PCDHA8: variants seen among roughly 807,000 people sequenced by gnomAD.
PCDHA8 encodes the protein protocadherin alpha 8.
PCDHA8 carries 53 observed loss-of-function variants against 61.8 expected under a neutral mutation model. The observed-to-expected ratio is 0.86, with a 90% CI of 0.69 to 1.08. The LOEUF is 1.08. Ranked by LOEUF, PCDHA8 falls within the 50% of genes least tolerant of loss-of-function variation. The probability of loss-of-function intolerance (pLI) is 0.00; values close to 1 mark genes in which losing one functional copy is unlikely to be tolerated. For synonymous variants in PCDHA8, 618 were observed against 556.6 expected (o/e 1.11, Z -1.55); for missense variants, 1,293 against 1,245.0 (o/e 1.04, Z -0.58).
chr5:140,920,841 T>TAAAAAAAA (rs781921146), intron 1 of PCDHA8, among the ~76,000 whole-genome samples: 2 of 109,228 alleles, frequency 1.8e-5, no homozygotes, highest in Non-Finnish European at 1.9e-5. Context: ...AGACCAAATC[T>TAAAAAAAA]AAAAAAAAAA....
chr5:140,877,684 A>T, intron 1 of PCDHA8: 1 of 1,613,768 alleles, frequency 6.2e-7, no homozygotes, highest in Non-Finnish European at 8.5e-7. Context: ...GGGCAAGCCC[A>T]CGCTGGTGTG....
At chr5:140,870,656 C>T (rs782506518) in intron 1 of PCDHA8, 22 of 1,612,360 alleles carry the variant, frequency 1.4e-5, no homozygotes, top group Non-Finnish European at 1.7e-6. Flanking sequence ...AAGGTGTACG[C>T]GCTGCAGCCG....
intron 1 of PCDHA8, among the ~76,000 whole-genome samples, chr5:140,969,719 T>G (rs1448594057): frequency 7.9e-5 from 12 of 152,220 alleles, no homozygotes; most frequent in Non-Finnish European, 1.5e-4. Flanking sequence ...AGGGAAATTT[T>G]TCTTTTGAAA....
chr5:140,957,746 AG>A (rs1173855054), intron 1 of PCDHA8, among the ~76,000 whole-genome samples: 1 of 152,136 alleles, frequency 6.6e-6, no homozygotes, highest in Non-Finnish European at 1.5e-5. Flanking sequence ...CTGACATGAA[AG>A]GATGTTCATT....
chr5:140,925,320 C>T (rs1201662507), intron 1 of PCDHA8, among the ~76,000 whole-genome samples: 1 of 152,016 alleles, frequency 6.6e-6, no homozygotes, highest in Non-Finnish European at 1.5e-5. Context: ...ACATATTGCA[C>T]CTGTATTAAA....
At position 140,966,546 on chromosome 5, in the gene PCDHA8, C is replaced by G. The variant is rs549303882; in HGVS notation, c.2395-12403C>G. The G allele has an allele frequency of 3.9e-5, 18 of 466,228 alleles. No individual in the cohort carries two copies. The Admixed American group carries it at 6.1e-4, about 16-fold the overall frequency. 28.9% of individuals were successfully genotyped at this position (466,228 alleles called of 1,614,324 possible). On this transcript the variant is annotated intron_variant, in intron 1 of 3. Coordinates refer to ENST00000531613, the MANE Select transcript of PCDHA8 (RefSeq NM_018911.3). ...CGAGCCGGGTTGAGCGACTCGGAGGCGAGCGGAGGAGCTGGAATATGGGGA... is the reference window on the plus strand; with the variant it reads ...CGAGCCGGGTTGAGCGACTCGGAGGGGAGCGGAGGAGCTGGAATATGGGGA...
At chr5:140,915,622 T>TTCTC (rs1418940406) in intron 1 of PCDHA8, among the ~76,000 whole-genome samples, 2 of 128,520 alleles carry the variant, frequency 1.6e-5, no homozygotes, top group South Asian at 2.5e-4. Flanking sequence ...AACAGTCTCT[T>TTCTC]TCTGTCTCTC....
intron 1 of PCDHA8, chr5:140,882,432 A>G: frequency 6.2e-7 from 1 of 1,614,052 alleles, no homozygotes; most frequent in Non-Finnish European, 8.5e-7. Context: ...CTGGGGCTGG[A>G]GCTGGCGGAG....
intron 1 of PCDHA8, among the ~76,000 whole-genome samples, chr5:140,899,260 T>A (rs2153463432): frequency 6.6e-6 from 1 of 152,272 alleles, no homozygotes; most frequent in South Asian, 2.1e-4. Context: ...GGCATCCCTG[T>A]CTTGTGGCAG....
Position 140,842,773 on chromosome 5 carries a change from G to A in PCDHA8, c.1452G>A (p.Ala484=). ...IFTVSARDAD[A]QENALVSYSL... ...CGGTGTCTGCGCGAGACGCGGACGC[G>A]CAGGAGAACGCGCTGGTGTCCTACT... The change falls in exon 1 of 4, where the codon GCG becomes GCA. Residue 484 remains alanine (A), a synonymous_variant. Transcript: ENST00000531613. The A allele has an allele frequency of 6.3e-7, 1 of 1,594,638 alleles. No individual in the cohort carries two copies. The highest frequency in any genetic ancestry group is 8.6e-7 in the Non-Finnish European group (1 of 1,165,418).
intron 3 of PCDHA8, among the ~76,000 whole-genome samples, chr5:141,000,391 CTCTCTATATA>C (rs1171335262): frequency 2.9e-3 from 162 of 56,578 alleles, no homozygotes; most frequent in African/African-American, 4.6e-3. Flanking sequence ...CTCTCTCTCT[CTCTCTATATA>C]TATATATATA....
At chr5:140,854,190 A>G (rs2043033379) in intron 1 of PCDHA8, 1 of 648,948 alleles carries the variant, frequency 1.5e-6, no homozygotes, top group Non-Finnish European at 1.9e-6. Context: ...TAGTTTAACT[A>G]CTCCCTACTT....
chr5:140,847,831 C>T (rs2150404458), intron 1 of PCDHA8: 1 of 149,692 alleles, frequency 6.7e-6, no homozygotes, highest in East Asian at 1.9e-4. Flanking sequence ...AAGAAAACTA[C>T]CTCAGTTGGT....
chr5:140,969,428 CAA>C lies in PCDHA8; in HGVS notation c.2395-9520_2395-9519del, dbSNP rs2096329692. The stretch of plus-strand genomic sequence containing the variant: ...GGCTTTATTGAGTCATTAACAGTGA[CAA>C]GAGTTATCTGGTAAACTGAGTATAT... On this transcript the variant is annotated intron_variant, in intron 1 of 3. Coordinates refer to ENST00000531613, the MANE Select transcript of PCDHA8 (RefSeq NM_018911.3). 8.4e-6 allele frequency: 13 copies of C among 1,555,028 alleles called. No homozygotes were observed. The East Asian group carries it at 1.4e-4, about 17-fold the overall frequency.
intron 3 of PCDHA8, among the ~76,000 whole-genome samples, chr5:141,005,701 CAA>C (rs59860837): frequency 3.2e-3 from 25 of 7,784 alleles, no homozygotes; most frequent in African/African-American, 6.6e-3. Flanking sequence ...AACTCCGTCT[CAA>C]AAAAAAAAAA....
rs2150330904 is a variant in PCDHA8, at chr5:140,842,175, T to A, written c.854T>A (p.Val285Asp). The A allele has an allele frequency of 1.2e-6, 2 of 1,613,894 alleles. No homozygotes were observed. Among genetic ancestry groups the A allele is most frequent in the South Asian group, 2.2e-5 (2 of 91,050 alleles). ...GAISYSFNSLVETMVIDHFSI... is the reference protein window; with the variant it reads ...GAISYSFNSLDETMVIDHFSI... ...ATTTCATATTCTTTTAATAGCCTTG[T>A]TGAAACTATGGTTATTGACCACTTT... Residue 285 changes from valine to aspartate, a missense_variant, in exon 1 of 4, where the codon GTT becomes GAT. Transcript: ENST00000531613.
At chr5:140,846,436 G>A (rs191314082) in intron 1 of PCDHA8, among the ~76,000 whole-genome samples, 18 of 131,380 alleles carry the variant, frequency 1.4e-4, no homozygotes, top group African/African-American at 3.7e-4. Flanking sequence ...ATGCAGTGGC[G>A]CAATCTCGGC....
intron 1 of PCDHA8, among the ~76,000 whole-genome samples, chr5:140,961,780 C>T (rs1192795559): frequency 6.6e-6 from 1 of 152,052 alleles, no homozygotes; most frequent in African/African-American, 2.4e-5. Flanking sequence ...AGCTTAATGG[C>T]ACTTTTTAAA....
chr5:140,893,583 T>G (rs535910), intron 1 of PCDHA8, among the ~76,000 whole-genome samples: 7,078 of 152,294 alleles, frequency 0.046, 293 homozygotes, highest in African/African-American at 0.11. Context: ...TTTGCTTGTT[T>G]GGGAAATACT....
Sources: allele counts gnomAD v4.1 joint callset (sites outside exome capture counted in the v4.1 genomes callset), GRCh38; gene constraint gnomAD v4.1.1; transcripts MANE v1.5; gene names NCBI Gene and HGNC (gene_info 2026-07-23, HGNC 2026-07-21).